SLC9A2: variants seen among roughly 807,000 people sequenced by gnomAD.
SLC9A2 encodes solute carrier family 9 member A2, also known as sodium/hydrogen exchanger 2.
In SLC9A2, 42 loss-of-function variants were observed where a neutral mutation model predicts 71.7. The ratio of observed to expected loss-of-function variants is 0.59; its 90% confidence interval spans 0.46 to 0.76. The LOEUF (loss-of-function observed/expected upper bound fraction) is 0.76, where lower values mean the gene tolerates loss of function less well. Ranked by LOEUF, SLC9A2 falls within the 30% of genes least tolerant of loss-of-function variation. The pLI is 0.00. For synonymous variants in SLC9A2, 396 were observed against 392.5 expected (o/e 1.01, Z -0.10); for missense variants, 829 against 1,017.4 (o/e 0.81, Z 2.52).
chr2:102,708,663 C>T lies in SLC9A2; in HGVS notation c.*174C>T. On this transcript the variant is annotated 3_prime_UTR_variant, in exon 12 of 12. Coordinates refer to ENST00000233969, the MANE Select transcript of SLC9A2 (RefSeq NM_003048.6). ...AGGCAAATCCGAAGAAAAGGAAAAT[C>T]GAATAAAAAATAGTCCCACAAAATA... is the stretch of plus-strand genomic sequence containing the variant. 1 of 690,682 alleles carries T rather than the reference C, an allele frequency of 1.4e-6. No homozygotes were observed. Among genetic ancestry groups the T allele is most frequent in the Non-Finnish European group, 2.3e-6 (1 of 437,598 alleles). 42.8% of individuals were successfully genotyped at this position (690,682 alleles called of 1,614,324 possible).
chr2:102,694,450 G>C lies in SLC9A2; in HGVS notation c.1462G>C (p.Val488Leu). Residue 488 changes from valine (V) to leucine (L), a missense_variant, in exon 6 of 12, where the codon GTC becomes CTC. Val to Leu is a conservative substitution (Grantham distance 32). Coordinates refer to ENST00000233969, the MANE Select transcript of SLC9A2 (RefSeq NM_003048.6). ...TCGACCACTGGTGGAGTTTCTTGAT[G>C]TCAAGAGGTCCAATAAGAAACAACA... ...TIRPLVEFLD[V>L]KRSNKKQQAV... 1 of 1,538,534 alleles carries C rather than the reference G, an allele frequency of 6.5e-7. No homozygotes were observed. The highest frequency in any genetic ancestry group is 8.8e-7 in the Non-Finnish European group (1 of 1,132,028).
chr2:102,623,016 T>C (rs1676172979), intron 1 of SLC9A2, among the ~76,000 whole-genome samples: 1 of 152,252 alleles, frequency 6.6e-6, no homozygotes, highest in African/African-American at 2.4e-5. Context: ...TTAAAGGCAT[T>C]CATGCTTGCT....
intron 3 of SLC9A2, among the ~76,000 whole-genome samples, chr2:102,674,310 C>T (rs1457459250): frequency 1.3e-5 from 2 of 152,114 alleles, no homozygotes; most frequent in East Asian, 1.9e-4. Flanking sequence ...TATTCTTTAT[C>T]CTTGCTTGAA....
At chr2:102,628,445 A>C (rs973768584) in intron 1 of SLC9A2, among the ~76,000 whole-genome samples, 1 of 152,138 alleles carries the variant, frequency 6.6e-6, no homozygotes. Flanking sequence ...ATGAACTAAA[A>C]TAGGATTATT....
chr2:102,628,313 A>T (rs1012047344), intron 1 of SLC9A2, among the ~76,000 whole-genome samples: 1 of 152,128 alleles, frequency 6.6e-6, no homozygotes, highest in Admixed American at 6.6e-5. Context: ...TTCTGAAAGG[A>T]TTTCTTAACA....
intron 6 of SLC9A2, among the ~76,000 whole-genome samples, chr2:102,694,755 G>C (rs1420153557): frequency 6.6e-6 from 1 of 152,086 alleles, no homozygotes; most frequent in Non-Finnish European, 1.5e-5. Flanking sequence ...ACTTCCTTTA[G>C]CCTGGAAATG....
intron 1 of SLC9A2, among the ~76,000 whole-genome samples, chr2:102,654,571 T>G (rs1676902213): frequency 6.6e-6 from 1 of 152,240 alleles, no homozygotes; most frequent in South Asian, 2.1e-4. Context: ...TGCTATGGGT[T>G]TAGTCCTGTT....
intron 1 of SLC9A2, among the ~76,000 whole-genome samples, chr2:102,631,546 A>T (rs1242278037): frequency 6.6e-6 from 1 of 151,858 alleles, no homozygotes; most frequent in Admixed American, 6.6e-5. Flanking sequence ...CCTTTTCCTT[A>T]ATTTTGAACT....
intron 1 of SLC9A2, among the ~76,000 whole-genome samples, chr2:102,645,371 C>G (rs971469054): frequency 1.3e-5 from 2 of 152,132 alleles, no homozygotes; most frequent in South Asian, 2.1e-4. Flanking sequence ...GCTGAATATT[C>G]CAAAAACCAG....
chr2:102,708,079 T>C (rs1432465318), intron 11 of SLC9A2, 40 bp from the exon 12 acceptor site: 12 of 1,579,742 alleles, frequency 7.6e-6, no homozygotes, highest in African/African-American at 1.4e-5. Flanking sequence ...ATGCCTTCTC[T>C]CTAAAATGCT....
At chr2:102,648,508 A>G (rs1049298524) in intron 1 of SLC9A2, among the ~76,000 whole-genome samples, 1 of 152,208 alleles carries the variant, frequency 6.6e-6, no homozygotes, top group African/African-American at 2.4e-5. Flanking sequence ...ATCAGGCAAG[A>G]GAAAGAAATA....
At chr2:102,682,231 A>C (rs903576543) in intron 3 of SLC9A2, among the ~76,000 whole-genome samples, 16 of 152,200 alleles carry the variant, frequency 1.1e-4, no homozygotes, top group African/African-American at 3.6e-4. Flanking sequence ...CTTAGACCGG[A>C]CCTACCATGA....
chr2:102,706,348 G>GA (rs397985354), intron 11 of SLC9A2, among the ~76,000 whole-genome samples: 8,485 of 17,720 alleles, frequency 0.48, 3,509 homozygotes, highest in Non-Finnish European at 0.56. Context: ...AAAAAAAAAA[G>GA]AAAAAAAAAA....
chr2:102,655,105 A>T (rs1676911991), intron 1 of SLC9A2, among the ~76,000 whole-genome samples: 1 of 152,240 alleles, frequency 6.6e-6, no homozygotes, highest in South Asian at 2.1e-4. Flanking sequence ...AGTCTATGCT[A>T]AATTTATTTA....
At chr2:102,654,680 G>A (rs909601573) in intron 1 of SLC9A2, among the ~76,000 whole-genome samples, 9 of 152,036 alleles carry the variant, frequency 5.9e-5, no homozygotes, top group African/African-American at 2.2e-4. Context: ...TTAACAAAGG[G>A]GATACGTTCT....
intron 11 of SLC9A2, 27 bp downstream of exon 11, chr2:102,705,963 A>G (rs1253382016): frequency 2.5e-5 from 35 of 1,390,206 alleles, no homozygotes; most frequent in Non-Finnish European, 3.5e-5. Flanking sequence ...GAGCAGAAAA[A>G]TTTTAAATTT....
chr2:102,687,173 C>T (rs1677562372), intron 5 of SLC9A2, among the ~76,000 whole-genome samples: 1 of 152,174 alleles, frequency 6.6e-6, no homozygotes. Flanking sequence ...TCTGCCTACC[C>T]TTCTGTGTGC....
In SLC9A2 at chr2:102,666,363, T is replaced by A. The variant is rs538438066; in HGVS notation, c.1004+1013T>A. ...GGCGCCCGCCACCACACCGGGCTAA[T>A]TTTTTTTGTATTTTTAGTAGAGACG... On this transcript the variant is annotated intron_variant, in intron 3 of 11. Coordinates refer to ENST00000233969, the MANE Select transcript of SLC9A2 (RefSeq NM_003048.6). Among the ~76,000 whole-genome samples the A allele has an allele frequency of 1.9e-4, 29 of 151,734 alleles. 1 individual carries two copies. In the South Asian group the frequency reaches 3.5e-3, roughly 19 times the overall value.
At chr2:102,687,034 G>T (rs1042878122) in intron 5 of SLC9A2, among the ~76,000 whole-genome samples, 2 of 152,224 alleles carry the variant, frequency 1.3e-5, no homozygotes, top group African/African-American at 2.4e-5. Context: ...TTTAGAGCCC[G>T]CAGGTGTAGA....
Sources: allele counts gnomAD v4.1 joint callset (sites outside exome capture counted in the v4.1 genomes callset), GRCh38; gene constraint gnomAD v4.1.1; transcripts MANE v1.5; gene names NCBI Gene and HGNC (gene_info 2026-07-23, HGNC 2026-07-21).